Variants in DOCK1 observed in about 807,000 individuals in gnomAD.
DOCK1 encodes dedicator of cytokinesis 1, also known as dedicator of cytokinesis protein 1.
A neutral mutation model predicts 262.7 loss-of-function variants in DOCK1; 138 were observed. That is an observed-to-expected ratio of 0.53 (90% CI 0.46 to 0.61). DOCK1 has a LOEUF of 0.61. DOCK1 is among the 20% of genes least tolerant of loss of function. The pLI is 0.00. For missense variants in DOCK1, 1,908 were observed against 2,370.7 expected, an observed-to-expected ratio of 0.80 and a Z score of 4.05; for synonymous variants, 866 against 867.4, an observed-to-expected ratio of 1.00 and a Z score of 0.03.
At chr10:127,414,629 CTT>C (rs1290520723) in intron 43 of DOCK1, among the ~76,000 whole-genome samples, 3 of 152,158 alleles carry the variant, frequency 2.0e-5, no homozygotes, top group Non-Finnish European at 4.4e-5. Context: ...CTTTCCATAT[CTT>C]TATGTTCTCA....
chr10:127,349,905 G>A (rs1253609993), intron 31 of DOCK1, among the ~76,000 whole-genome samples: 1 of 152,056 alleles, frequency 6.6e-6, no homozygotes, highest in Non-Finnish European at 1.5e-5. Context: ...AGAGGTCACT[G>A]GATCTAGAGG....
At chr10:127,395,512 G>A (rs1236306066) in intron 38 of DOCK1, among the ~76,000 whole-genome samples, 4 of 152,220 alleles carry the variant, frequency 2.6e-5, no homozygotes, top group Admixed American at 2.0e-4. Flanking sequence ...TCAGAGCATA[G>A]CAAAGACATT....
intron 1 of DOCK1, among the ~76,000 whole-genome samples, chr10:126,948,834 C>A (rs2035882009): frequency 2.0e-5 from 3 of 152,050 alleles, no homozygotes; most frequent in Admixed American, 6.5e-5. Context: ...GGAACCTTGC[C>A]CCCTATGCCT....
chr10:127,411,376 T>A (rs755640750), intron 43 of DOCK1, among the ~76,000 whole-genome samples: 1 of 152,020 alleles, frequency 6.6e-6, no homozygotes, highest in Admixed American at 6.6e-5. Flanking sequence ...CACCTGAACT[T>A]CAGTGGAGCA....
At chr10:127,134,990 C>G (rs2050566349) in intron 27 of DOCK1, among the ~76,000 whole-genome samples, 1 of 152,186 alleles carries the variant, frequency 6.6e-6, no homozygotes, top group Non-Finnish European at 1.5e-5. Context: ...AAGGAGGCGG[C>G]TGATCCCTTG....
At chr10:127,407,614 C>T (rs2067591854) in intron 40 of DOCK1, among the ~76,000 whole-genome samples, 2 of 152,160 alleles carry the variant, frequency 1.3e-5, no homozygotes. Context: ...CAATCTTAGT[C>T]TTTAGGGGGT....
intron 1 of DOCK1, among the ~76,000 whole-genome samples, chr10:126,948,829 C>T (rs932606357): frequency 6.6e-6 from 1 of 152,084 alleles, no homozygotes; most frequent in Non-Finnish European, 1.5e-5. Context: ...CAAAGGGAAC[C>T]TTGCCCCCTA....
At chr10:127,342,787 G>C (rs202039475) in intron 30 of DOCK1, among the ~76,000 whole-genome samples, 4 of 53,350 alleles carry the variant, frequency 7.5e-5, no homozygotes, top group Middle Eastern at 0.016. Flanking sequence ...CCGCATATAT[G>C]TAGTCCATAA....
chr10:127,347,689 G>A (rs578216776), intron 31 of DOCK1, among the ~76,000 whole-genome samples: 4 of 151,442 alleles, frequency 2.6e-5, no homozygotes, highest in Non-Finnish European at 5.9e-5. Flanking sequence ...TCTGTTTCTC[G>A]GGGGAAAGGC....
chr10:127,079,879 C>T (rs2046800596), intron 23 of DOCK1, among the ~76,000 whole-genome samples: 1 of 152,092 alleles, frequency 6.6e-6, no homozygotes, highest in Admixed American at 6.6e-5. Flanking sequence ...TGCAGTGAGC[C>T]AACATTGCGC....
chr10:127,120,281 G>A (rs1212366337), intron 25 of DOCK1, among the ~76,000 whole-genome samples: 1 of 152,204 alleles, frequency 6.6e-6, no homozygotes, highest in Admixed American at 6.5e-5. Flanking sequence ...ATAAATGCCA[G>A]TTCATAAAAA....
chr10:127,027,358 G>C (rs2042939891), intron 16 of DOCK1, among the ~76,000 whole-genome samples: 1 of 152,230 alleles, frequency 6.6e-6, no homozygotes, highest in Non-Finnish European at 1.5e-5. Flanking sequence ...ACTTTGGGAA[G>C]CCAAGGTGGA....
chr10:127,227,937 C>A (rs2058702651), intron 27 of DOCK1, among the ~76,000 whole-genome samples: 1 of 152,206 alleles, frequency 6.6e-6, no homozygotes, highest in South Asian at 2.1e-4. Flanking sequence ...TGATCCCATT[C>A]ATCTGCCTCC....
At chr10:126,955,849 A>G (rs942189630) in intron 1 of DOCK1, among the ~76,000 whole-genome samples, 21 of 152,098 alleles carry the variant, frequency 1.4e-4, no homozygotes, top group African/African-American at 5.1e-4. Flanking sequence ...AAATTTATCA[A>G]GCAGTTAACT....
At chr10:127,177,549 A>G (rs2055282583) in intron 27 of DOCK1, among the ~76,000 whole-genome samples, 1 of 152,336 alleles carries the variant, frequency 6.6e-6, no homozygotes, top group Admixed American at 6.5e-5. Context: ...CTGAGGGTGT[A>G]CGGGGCCCGA....
chr10:127,028,337 A>G (rs1403214045), intron 16 of DOCK1, among the ~76,000 whole-genome samples: 1 of 152,186 alleles, frequency 6.6e-6, no homozygotes, highest in Non-Finnish European at 1.5e-5. Context: ...GTAGGATAAT[A>G]ACAACTATCA....
At chr10:127,040,282 A>C (rs2043934926) in intron 19 of DOCK1, among the ~76,000 whole-genome samples, 1 of 152,212 alleles carries the variant, frequency 6.6e-6, no homozygotes, top group Non-Finnish European at 1.5e-5. Context: ...GAGTTGATTA[A>C]TCCCTTGACA....
chr10:127,378,171 G>T (rs527498594), intron 35 of DOCK1, among the ~76,000 whole-genome samples: 4 of 143,282 alleles, frequency 2.8e-5, no homozygotes, highest in South Asian at 4.5e-4. Context: ...TCATTACTTT[G>T]CACATGCCAG....
chr10:127,224,924 T>C (rs1455330352), intron 27 of DOCK1, among the ~76,000 whole-genome samples: 1 of 152,138 alleles, frequency 6.6e-6, no homozygotes, highest in African/African-American at 2.4e-5. Context: ...TGAATGTGAA[T>C]GTTATCTGGG....
Sources: gnomAD v4.1 joint callset for allele counts (sites outside exome capture counted in the v4.1 genomes callset) on GRCh38, gnomAD v4.1.1 for gene constraint, MANE v1.5 for transcripts, NCBI Gene and HGNC (gene_info 2026-07-23, HGNC 2026-07-21) for gene names.